COBLL1: variants seen among roughly 807,000 people sequenced by gnomAD.
COBLL1 encodes the protein cordon-bleu protein-like 1.
In COBLL1, 50 loss-of-function variants were observed where a neutral mutation model predicts 94.8. The ratio of observed to expected loss-of-function variants is 0.53; its 90% CI spans 0.42 to 0.67. The LOEUF (loss-of-function observed/expected upper bound fraction) is 0.67, where lower values mean the gene tolerates loss of function less well. Among genes scored for constraint, COBLL1 ranks in the 30% least tolerant of loss-of-function variants. The pLI is 0.00. For synonymous variants in COBLL1, 448 were observed against 473.8 expected, an observed-to-expected ratio of 0.95 and a Z score of 0.71; for missense variants, 1,362 against 1,348.7, an observed-to-expected ratio of 1.01 and a Z score of -0.15.
At chr2:164,771,227 G>A (rs142905561) in intron 2 of COBLL1, among the ~76,000 whole-genome samples, 8 of 152,044 alleles carry the variant, frequency 5.3e-5, no homozygotes, top group African/African-American at 1.9e-4. Context: ...CACAGATGAC[G>A]TTGACCAACA....
rs1250109515 is a variant in COBLL1, at chr2:164,700,691, T to C, written c.1291A>G (p.Lys431Glu). 20 of 1,613,504 alleles carry C rather than the reference T, an allele frequency of 1.2e-5. No homozygotes were observed. The highest frequency in any genetic ancestry group is 1.4e-5 in the Non-Finnish European group (17 of 1,179,636). ...DEKEELSEVP[K>E]VEAENISPKS... ...GGAGAAATATTTTCAGCTTCAACTT[T>C]AGGCACTTCACTCAGTTCTTCCTTT... Residue 431 changes from lysine (K) to glutamate (E), a missense_variant, in exon 10 of 14, where the codon AAA (lysine) becomes GAA (glutamate). By Grantham distance (56) the Lys-to-Glu change is moderately conservative. Transcript: ENST00000652658.
chr2:164,836,035 G>A, intron 2 of COBLL1, among the ~76,000 whole-genome samples: 1 of 151,942 alleles, frequency 6.6e-6, no homozygotes, highest in Non-Finnish European at 1.5e-5. Context: ...ACAAATATAA[G>A]GTCATAATAT....
At chr2:164,717,187 T>C (rs1451510984) in intron 7 of COBLL1, among the ~76,000 whole-genome samples, 1 of 152,206 alleles carries the variant, frequency 6.6e-6, no homozygotes, top group Non-Finnish European at 1.5e-5. Context: ...TAGAATACTG[T>C]ACTTCTGTCA....
intron 8 of COBLL1, 85 bp downstream of exon 8, chr2:164,704,867 A>G (rs1684500308): frequency 1.5e-6 from 2 of 1,325,274 alleles, no homozygotes; most frequent in African/African-American, 1.5e-5. Context: ...TTTAAAAAGC[A>G]TAACTTACAT....
At chr2:164,778,273 C>T (rs576945074) in intron 2 of COBLL1, among the ~76,000 whole-genome samples, 2 of 152,214 alleles carry the variant, frequency 1.3e-5, no homozygotes, top group South Asian at 4.2e-4. Flanking sequence ...GGAGGAATAG[C>T]AAATGCAAGG....
At chr2:164,811,340 T>A (rs527657613) in intron 2 of COBLL1, among the ~76,000 whole-genome samples, 2 of 152,110 alleles carry the variant, frequency 1.3e-5, no homozygotes, top group East Asian at 3.9e-4. Flanking sequence ...CATGTGTTTA[T>A]CAAAACTGGC....
intron 13 of COBLL1, among the ~76,000 whole-genome samples, chr2:164,690,647 A>C (rs1014781612): frequency 2.0e-5 from 3 of 152,194 alleles, no homozygotes; most frequent in African/African-American, 7.2e-5. Flanking sequence ...AAGGCATCGC[A>C]ATCAGTTTCT....
At chr2:164,708,349 C>T (rs149445847) in intron 7 of COBLL1, among the ~76,000 whole-genome samples, 1,574 of 150,160 alleles carry the variant, frequency 0.01, 24 homozygotes, top group African/African-American at 0.038. Context: ...ATCATCCTGA[C>T]TGGGGTAGGC....
Position 164,833,898 on chromosome 2 carries a change from C to G in COBLL1, c.41+7258G>C, listed in dbSNP as rs56827943. Among the ~76,000 whole-genome samples the G allele has an allele frequency of 7.1e-3, 1,081 of 152,260 alleles. 13 individuals carry two copies. The highest frequency in any genetic ancestry group is 0.025 in the African/African-American group (1,035 of 41,560). On this transcript the variant is annotated intron_variant, in intron 2 of 13. Coordinates refer to ENST00000652658, the MANE Select transcript of COBLL1 (RefSeq NM_001365672.2). ...ATGAAATAAATTACCCATGCTCACTCTATCATTTTTCTAAAGACTAGCCAA... is the reference window on the plus strand; with the variant it reads ...ATGAAATAAATTACCCATGCTCACTGTATCATTTTTCTAAAGACTAGCCAA...
intron 7 of COBLL1, among the ~76,000 whole-genome samples, chr2:164,713,492 A>C (rs1249327393): frequency 6.6e-6 from 1 of 152,182 alleles, no homozygotes. Flanking sequence ...TATGTGATCT[A>C]AATACCACCA....
chr2:164,706,770 CTAAT>C (rs1684624210), intron 7 of COBLL1, among the ~76,000 whole-genome samples: 1 of 152,150 alleles, frequency 6.6e-6, no homozygotes, highest in Non-Finnish European at 1.5e-5. Context: ...TAGGAAGTAC[CTAAT>C]TAGACTCCAT....
At chr2:164,716,284 A>G (rs111691522) in intron 7 of COBLL1, among the ~76,000 whole-genome samples, 1 of 152,208 alleles carries the variant, frequency 6.6e-6, no homozygotes, top group African/African-American at 2.4e-5. Context: ...ATTTTATATA[A>G]GAATATATGT....
At chr2:164,691,366 T>C (rs1216495090) in intron 13 of COBLL1, among the ~76,000 whole-genome samples, 2 of 152,200 alleles carry the variant, frequency 1.3e-5, no homozygotes, top group East Asian at 3.8e-4. Context: ...ATTCTCTAAA[T>C]GGCTTTTAAA....
intron 7 of COBLL1, among the ~76,000 whole-genome samples, chr2:164,705,698 T>A (rs558269655): frequency 1.3e-5 from 2 of 152,002 alleles, no homozygotes; most frequent in South Asian, 4.2e-4. Flanking sequence ...TTACCAAGAA[T>A]GAATGAATGA....
intron 1 of COBLL1, among the ~76,000 whole-genome samples, chr2:164,672,063 G>C (rs1312409021): frequency 1.3e-5 from 2 of 152,166 alleles, no homozygotes; most frequent in African/African-American, 4.8e-5. Flanking sequence ...TGGTATATAG[G>C]AAAGTACCCT....
chr2:164,722,448 G>A lies in COBLL1; in HGVS notation c.736C>T (p.Arg246Cys), dbSNP rs553945564. 70 of 1,519,932 alleles carry A rather than the reference G, an allele frequency of 4.6e-5. 1 individual carries two copies. Among genetic ancestry groups the A allele is most frequent in the South Asian group, 3.1e-4 (23 of 75,114 alleles). The allele number at this position is 1,519,932 out of a possible 1,614,324, so 94.2% of individuals were successfully genotyped here. ...ACTTGGTCTCGCTTTTTCTTACTGC[G>A]TTGAAAAAAACTGAAAAACCCTTTA... ...ENKGFFSFFQ[R>C]SKKKRDQTAS... Residue 246 changes from arginine (R) to cysteine (C), a missense_variant, in exon 6 of 14, where the codon CGC becomes TGC. By Grantham distance (180) the Arg-to-Cys change is radical (BLOSUM62 -3). Transcript: ENST00000652658.
intron 5 of COBLL1, chr2:164,724,834 T>A (rs1346052594): frequency 6.6e-6 from 1 of 151,974 alleles, no homozygotes; most frequent in Non-Finnish European, 1.5e-5. Flanking sequence ...TAATACAATA[T>A]GCCTCAATAA....
At chr2:164,759,158 A>G (rs1376345218) in intron 2 of COBLL1, among the ~76,000 whole-genome samples, 3 of 152,198 alleles carry the variant, frequency 2.0e-5, no homozygotes, top group South Asian at 2.1e-4. Flanking sequence ...CATACTCTCA[A>G]ATATGAACTT....
chr2:164,676,118 T>C (rs1691331887), downstream of COBLL1, among the ~76,000 whole-genome samples: 2 of 152,212 alleles, frequency 1.3e-5, no homozygotes. Flanking sequence ...AAACTAACAT[T>C]TAAATATTTA....
Sources: allele counts gnomAD v4.1 joint callset (sites outside exome capture counted in the v4.1 genomes callset), GRCh38; gene constraint gnomAD v4.1.1; transcripts MANE v1.5; gene names NCBI Gene and HGNC (gene_info 2026-07-23, HGNC 2026-07-21).